The following CLNK variants were observed in gnomAD, a reference collection of about 807,000 sequenced individuals.
CLNK encodes the protein cytokine-dependent hematopoietic cell linker.
In CLNK, 74 loss-of-function variants were observed where a neutral mutation model predicts 68.6. That is an observed-to-expected ratio of 1.08 (90% confidence interval 0.89 to 1.31). CLNK has a LOEUF of 1.31. CLNK is among the 50% of genes most tolerant of loss of function. CLNK has a pLI of 0.00. For missense variants in CLNK, 553 were observed against 515.3 expected (o/e 1.07, Z -0.71); for synonymous variants, 198 against 172.2 (o/e 1.15, Z -1.17).
chr4:10,609,951 C>T (rs991776435), intron 2 of CLNK, among the ~76,000 whole-genome samples: 1 of 151,502 alleles, frequency 6.6e-6, no homozygotes, highest in Admixed American at 6.6e-5. Flanking sequence ...TGAGGTGATC[C>T]GGGTCCCTTC....
intron 2 of CLNK, among the ~76,000 whole-genome samples, chr4:10,606,395 C>G (rs1411365153): frequency 6.6e-6 from 1 of 152,012 alleles, no homozygotes; most frequent in Non-Finnish European, 1.5e-5. Flanking sequence ...CGGAATCCCT[C>G]CTCAAGAACC....
chr4:10,644,312 A>G (rs1182845015), intron 2 of CLNK, among the ~76,000 whole-genome samples: 1 of 152,242 alleles, frequency 6.6e-6, no homozygotes, highest in Non-Finnish European at 1.5e-5. Context: ...ATGACTGCTC[A>G]TATTTATTTA....
At chr4:10,621,897 G>A (rs1304812149) in intron 2 of CLNK, among the ~76,000 whole-genome samples, 1 of 152,178 alleles carries the variant, frequency 6.6e-6, no homozygotes, top group Admixed American at 6.5e-5. Flanking sequence ...TTTCACAGTG[G>A]ATCAGCACTG....
At chr4:10,633,095 A>C (rs2108870102) in intron 2 of CLNK, among the ~76,000 whole-genome samples, 1 of 152,184 alleles carries the variant, frequency 6.6e-6, no homozygotes, top group Non-Finnish European at 1.5e-5. Flanking sequence ...GTGCTACCAC[A>C]CTAGGCTAAT....
chr4:10,585,862 C>CA (rs1393953354), intron 3 of CLNK, among the ~76,000 whole-genome samples: 2 of 152,124 alleles, frequency 1.3e-5, no homozygotes, highest in Non-Finnish European at 2.9e-5. Context: ...TATTCAAAAA[C>CA]AAAGTATTGA....
At chr4:10,699,128 T>C in the CLNK span, among the ~76,000 whole-genome samples, 4 of 149,324 alleles carry the variant, frequency 2.7e-5, no homozygotes, top group Admixed American at 6.8e-5. Flanking sequence ...TGGCAGATCC[T>C]AGAACTTTCT....
At chr4:10,681,652 T>G (rs892587203) in intron 1 of CLNK, among the ~76,000 whole-genome samples, 1 of 152,212 alleles carries the variant, frequency 6.6e-6, no homozygotes, top group African/African-American at 2.4e-5. Context: ...AATACATATT[T>G]TGCTAATGCT....
At chr4:10,554,542 G>T (rs2108816251) in intron 8 of CLNK, among the ~76,000 whole-genome samples, 1 of 152,030 alleles carries the variant, frequency 6.6e-6, no homozygotes, top group African/African-American at 2.4e-5. Flanking sequence ...TTCTTGTTTG[G>T]TAGTGAGAAA....
At chr4:10,677,481 T>C (rs1350935615) in intron 1 of CLNK, among the ~76,000 whole-genome samples, 1 of 151,952 alleles carries the variant, frequency 6.6e-6, no homozygotes, top group Non-Finnish European at 1.5e-5. Flanking sequence ...AGTAATATGG[T>C]TTAGCTGTCT....
intron 16 of CLNK, among the ~76,000 whole-genome samples, chr4:10,509,433 C>T (rs927360559): frequency 1.3e-5 from 2 of 152,168 alleles, no homozygotes; most frequent in Admixed American, 6.5e-5. Flanking sequence ...TAGACCAGAA[C>T]TGGCCCTACT....
intron 15 of CLNK, among the ~76,000 whole-genome samples, chr4:10,518,692 A>C (rs1191446088): frequency 6.6e-6 from 1 of 152,192 alleles, no homozygotes; most frequent in Non-Finnish European, 1.5e-5. Context: ...AATTGAGCCA[A>C]ATCTGTTTAT....
the CLNK span, among the ~76,000 whole-genome samples, chr4:10,717,400 A>T: frequency 6.6e-6 from 1 of 152,310 alleles, no homozygotes; most frequent in African/African-American, 2.4e-5. Flanking sequence ...GTTTGAGACC[A>T]GCCTGGGCAA....
chr4:10,596,768 A>T (rs1222610002), intron 3 of CLNK, among the ~76,000 whole-genome samples: 1 of 152,150 alleles, frequency 6.6e-6, no homozygotes, highest in Non-Finnish European at 1.5e-5. Context: ...ATGCTATGAC[A>T]CATTCTGAAA....
intron 3 of CLNK, among the ~76,000 whole-genome samples, chr4:10,590,492 C>A (rs1721142894): frequency 6.6e-6 from 1 of 152,062 alleles, no homozygotes; most frequent in African/African-American, 2.4e-5. Flanking sequence ...GTATGCAGTC[C>A]TTTGGTTCTC....
intron 2 of CLNK, among the ~76,000 whole-genome samples, chr4:10,619,175 T>TCC (rs1477975566): frequency 1.3e-5 from 2 of 152,206 alleles, no homozygotes; most frequent in Non-Finnish European, 2.9e-5. Context: ...TACTTGCAGG[T>TCC]AGGCGAACAC....
intron 1 of CLNK, among the ~76,000 whole-genome samples, chr4:10,671,163 A>G (rs1724618167): frequency 6.6e-6 from 1 of 152,152 alleles, no homozygotes; most frequent in Admixed American, 6.5e-5. Context: ...AGGCGACTGG[A>G]TCACCTGAGG....
At chr4:10,514,102 T>C (rs867482911) in intron 15 of CLNK, among the ~76,000 whole-genome samples, 79 of 141,200 alleles carry the variant, frequency 5.6e-4, no homozygotes, top group African/African-American at 2.0e-3. Flanking sequence ...AGTGAGAATA[T>C]GCGGTGTTTG....
intron 11 of CLNK, among the ~76,000 whole-genome samples, chr4:10,535,313 A>G (rs1270979133): frequency 2.6e-5 from 4 of 152,144 alleles, no homozygotes; most frequent in Non-Finnish European, 5.9e-5. Flanking sequence ...TTTCTTAAAT[A>G]TTGGGTGCTT....
intron 2 of CLNK, among the ~76,000 whole-genome samples, chr4:10,644,223 CAAGCTTTGCTTTATATACAAAGACA>C: frequency 6.6e-6 from 1 of 152,314 alleles, no homozygotes. Context: ...TCTTCAGGCA[CAAGCTTTGCTTTATATACAAAGACA>C]AAGCTTTGCT....
Sources: gnomAD v4.1 joint callset for allele counts (sites outside exome capture counted in the v4.1 genomes callset) on GRCh38, gnomAD v4.1.1 for gene constraint, MANE v1.5 for transcripts, NCBI Gene and HGNC (gene_info 2026-07-23, HGNC 2026-07-21) for gene names.